The following PTPRD variants were observed in gnomAD, a reference collection of about 807,000 sequenced individuals.
PTPRD encodes protein tyrosine phosphatase receptor type D, also known as receptor-type tyrosine-protein phosphatase delta.
Under a neutral mutation model 214.5 loss-of-function variants are expected in PTPRD, and 34 were observed. The observed-to-expected ratio is 0.16, with a 90% CI of 0.12 to 0.21. PTPRD has a LOEUF of 0.21. PTPRD is among the 10% of genes least tolerant of loss of function. PTPRD has a pLI of 1.00. For missense variants in PTPRD, 2,545 were observed against 2,398.7 expected (o/e 1.06, Z -1.27); for synonymous variants, 1,128 against 845.7 (o/e 1.33, Z -5.79).
chr9:8,722,128 T>A (rs1466873782), intron 12 of PTPRD, among the ~76,000 whole-genome samples: 1 of 30,334 alleles, frequency 3.3e-5, no homozygotes, highest in Non-Finnish European at 6.0e-5. Flanking sequence ...TTACTCTGTG[T>A]GTGTGTGTGT....
intron 6 of PTPRD, among the ~76,000 whole-genome samples, chr9:9,736,326 C>T (rs1436125696): frequency 1.3e-5 from 2 of 152,028 alleles, no homozygotes; most frequent in African/African-American, 2.4e-5. Flanking sequence ...CCTTTAAAAT[C>T]TTATTTATGA....
chr9:10,361,000 G>A (rs1227018048), intron 2 of PTPRD, among the ~76,000 whole-genome samples: 1 of 152,086 alleles, frequency 6.6e-6, no homozygotes, highest in Non-Finnish European at 1.5e-5. Context: ...TACTCGGGAG[G>A]CTGAGGCAGG....
chr9:8,527,835 A>G (rs2074607106), intron 15 of PTPRD, among the ~76,000 whole-genome samples: 2 of 152,178 alleles, frequency 1.3e-5, no homozygotes, highest in Admixed American at 6.5e-5. Context: ...TGGAGTCTAC[A>G]CCAAAAGCAG....
chr9:9,801,498 T>C (rs1285106224), intron 5 of PTPRD, among the ~76,000 whole-genome samples: 1 of 152,086 alleles, frequency 6.6e-6, no homozygotes, highest in Non-Finnish European at 1.5e-5. Context: ...CCTCTTTAGT[T>C]GTTAATTTTA....
At chr9:10,261,631 A>C (rs1292392762) in intron 3 of PTPRD, among the ~76,000 whole-genome samples, 2 of 152,134 alleles carry the variant, frequency 1.3e-5, no homozygotes, top group Non-Finnish European at 2.9e-5. Context: ...TATAGTCTTC[A>C]GAGAAAACAA....
chr9:8,997,883 T>A (rs1316923418), intron 11 of PTPRD, among the ~76,000 whole-genome samples: 4 of 152,092 alleles, frequency 2.6e-5, no homozygotes, highest in Non-Finnish European at 5.9e-5. Flanking sequence ...ATTGCTGATA[T>A]GGAGAAAGCT....
At chr9:9,733,816 A>G (rs1326128781) in intron 7 of PTPRD, among the ~76,000 whole-genome samples, 1 of 152,178 alleles carries the variant, frequency 6.6e-6, no homozygotes, top group Non-Finnish European at 1.5e-5. Context: ...ATAATCTTGT[A>G]TACACTCAGA....
intron 2 of PTPRD, among the ~76,000 whole-genome samples, chr9:10,342,880 G>A (rs1465068933): frequency 6.6e-6 from 1 of 151,996 alleles, no homozygotes; most frequent in Admixed American, 6.6e-5. Flanking sequence ...TGTTTTGAAT[G>A]AACAAACTAA....
At chr9:9,622,728 G>A (rs1313725682) in intron 7 of PTPRD, among the ~76,000 whole-genome samples, 2 of 152,142 alleles carry the variant, frequency 1.3e-5, no homozygotes, top group Non-Finnish European at 2.9e-5. Context: ...TTAAGGCAAG[G>A]AGCATTTTTA....
intron 2 of PTPRD, among the ~76,000 whole-genome samples, chr9:10,582,283 T>C (rs1371729763): frequency 6.6e-6 from 1 of 152,138 alleles, no homozygotes; most frequent in Non-Finnish European, 1.5e-5. Context: ...GGACCTTGTT[T>C]TTTCATACCT....
At chr9:8,568,555 G>C (rs2090126759) in intron 14 of PTPRD, among the ~76,000 whole-genome samples, 1 of 152,142 alleles carries the variant, frequency 6.6e-6, no homozygotes. Flanking sequence ...ACACAATTAA[G>C]AGAACACACC....
chr9:9,554,516 T>C (rs2081061931), intron 8 of PTPRD, among the ~76,000 whole-genome samples: 2 of 151,868 alleles, frequency 1.3e-5, no homozygotes, highest in African/African-American at 2.4e-5. Context: ...GCAAATACTG[T>C]AGGGTTAAAT....
intron 8 of PTPRD, among the ~76,000 whole-genome samples, chr9:9,505,494 G>A (rs1302373186): frequency 1.3e-5 from 2 of 151,456 alleles, no homozygotes; most frequent in East Asian, 3.9e-4. Context: ...TTTGATGCCA[G>A]ATTTAGTATC....
chr9:9,473,217 G>A (rs1306321573), intron 8 of PTPRD, among the ~76,000 whole-genome samples: 1 of 152,088 alleles, frequency 6.6e-6, no homozygotes, highest in Non-Finnish European at 1.5e-5. Flanking sequence ...ACACATGAAT[G>A]AAAACATGCA....
At chr9:10,509,581 T>TATATATATATATATATATATATA (rs1566622187) in intron 2 of PTPRD, among the ~76,000 whole-genome samples, 48 of 58,958 alleles carry the variant, frequency 8.1e-4, no homozygotes, top group African/African-American at 3.3e-3. Context: ...ATATATATAT[T>TATATATATATATATATATATATA]TTACTCACTT....
intron 14 of PTPRD, among the ~76,000 whole-genome samples, chr9:8,590,420 T>C (rs549281495): frequency 1.1e-4 from 17 of 152,280 alleles, no homozygotes; most frequent in Admixed American, 3.3e-4. Context: ...AGAAGACTTA[T>C]CAGAGGGTGG....
At chr9:9,837,782 T>C (rs1319793629) in intron 5 of PTPRD, among the ~76,000 whole-genome samples, 1 of 152,130 alleles carries the variant, frequency 6.6e-6, no homozygotes, top group East Asian at 1.9e-4. Context: ...TTTATTATTA[T>C]TATACTTTAA....
intron 8 of PTPRD, among the ~76,000 whole-genome samples, chr9:9,566,043 A>T (rs117261969): frequency 0.042 from 6,385 of 151,980 alleles, 187 homozygotes; most frequent in Non-Finnish European, 0.062. Context: ...ATTTGTGACA[A>T]CTTGAATTCT....
chr9:10,073,891 A>G (rs1021137164), intron 3 of PTPRD, among the ~76,000 whole-genome samples: 2 of 152,188 alleles, frequency 1.3e-5, no homozygotes, highest in Non-Finnish European at 2.9e-5. Flanking sequence ...TTCTTAAAAT[A>G]TACATTAATA....
Sources: allele counts gnomAD v4.1 joint callset (sites outside exome capture counted in the v4.1 genomes callset), GRCh38; gene constraint gnomAD v4.1.1; transcripts MANE v1.5; gene names NCBI Gene and HGNC (gene_info 2026-07-23, HGNC 2026-07-21).